HELLS: variants seen among roughly 807,000 people sequenced by gnomAD.
HELLS encodes the protein helicase, lymphoid specific.
A neutral mutation model predicts 120.0 loss-of-function variants in HELLS; 32 were observed. The observed-to-expected ratio is 0.27, with a 90% CI of 0.20 to 0.36. HELLS has a LOEUF of 0.36. Among genes scored for constraint, HELLS ranks in the 10% least tolerant of loss-of-function variants. The pLI is 1.00. For missense variants in HELLS, 650 were observed against 993.4 expected (o/e 0.65, Z 4.65); for synonymous variants, 341 against 323.4 (o/e 1.05, Z -0.58).
intron 11 of HELLS, 126 bp from the exon 12 acceptor site, chr10:94,582,837 A>G: frequency 1.9e-6 from 1 of 533,850 alleles, no homozygotes; most frequent in Non-Finnish European, 3.3e-6. Context: ...TAAAAATTGC[A>G]CCTAAGGATT....
Position 94,576,059 on chromosome 10 carries a change from A to C in HELLS, c.889-603A>C, listed in dbSNP as rs1844463926. On this transcript the variant is annotated intron_variant, in intron 9 of 21. Coordinates refer to ENST00000348459, the MANE Select transcript of HELLS (RefSeq NM_018063.5). The stretch of plus-strand genomic sequence containing the variant: ...TGGTCTGCCCGCCTCAGCTTCCCAA[A>C]GTGCTGGGGATTACAGGTATGAGCC... Among the ~76,000 whole-genome samples the C allele has an allele frequency of 2.0e-5, 3 of 151,516 alleles. No homozygotes were observed. The South Asian group carries it at 6.3e-4, about 32-fold the overall frequency.
chr10:94,575,700 T>C (rs537281158), intron 9 of HELLS, among the ~76,000 whole-genome samples: 11 of 149,050 alleles, frequency 7.4e-5, no homozygotes, highest in African/African-American at 2.7e-4. Context: ...GGATTACAGG[T>C]GTGAGCCACT....
chr10:94,606,060 C>CTT (rs1166949716), downstream of HELLS, among the ~76,000 whole-genome samples: 1,849 of 131,310 alleles, frequency 0.014, 41 homozygotes, highest in African/African-American at 0.046. Context: ...TGGTATGGGT[C>CTT]TTTTTTTTTT....
chr10:94,562,710 C>T lies in HELLS; in HGVS notation c.353C>T (p.Ala118Val). The T allele has an allele frequency of 6.3e-7, 1 of 1,588,202 alleles. No individual in the cohort carries two copies. Among genetic ancestry groups the T allele is most frequent in the Non-Finnish European group, 8.6e-7 (1 of 1,162,418 alleles). The change falls in exon 5 of 22, where the codon GCA becomes GTA. Residue 118 changes from alanine to valine, a missense_variant. Physicochemically the swap from Ala to Val is moderately conservative, Grantham distance 64. Coordinates refer to ENST00000348459, the MANE Select transcript of HELLS (RefSeq NM_018063.5). ...KVKKGKNSID[A>V]SEEKPVMRKK... is the part of the protein sequence containing the mutation. ...TTGTAGGGTAAAAATTCAATTGATGCAAGTGAAGAGAAGCCAGGTAAATAT... is the reference window on the plus strand; with the variant it reads ...TTGTAGGGTAAAAATTCAATTGATGTAAGTGAAGAGAAGCCAGGTAAATAT...
chr10:94,568,151 A>G (rs1843931023), intron 6 of HELLS, among the ~76,000 whole-genome samples: 1 of 150,464 alleles, frequency 6.6e-6, no homozygotes, highest in Non-Finnish European at 1.5e-5. Flanking sequence ...CTTGTGATCC[A>G]TCTGCCTTGG....
At chr10:94,591,146 A>T (rs573005085) in intron 15 of HELLS, among the ~76,000 whole-genome samples, 9 of 152,152 alleles carry the variant, frequency 5.9e-5, no homozygotes, top group African/African-American at 1.7e-4. Flanking sequence ...TATGCAACTT[A>T]TATTTTTATT....
chr10:94,577,496 A>G (rs1389783155), intron 10 of HELLS: 1 of 155,752 alleles, frequency 6.4e-6, no homozygotes, highest in African/African-American at 2.4e-5. Context: ...AGTCATAAAT[A>G]GAATAATTAT....
chr10:94,585,108 T>A (rs1281626802), intron 12 of HELLS, among the ~76,000 whole-genome samples: 3 of 151,768 alleles, frequency 2.0e-5, no homozygotes, highest in Non-Finnish European at 2.9e-5. Context: ...GTAAAAAAAA[T>A]TTTTTTTACT....
chr10:94,579,956 A>G (rs1844740830), intron 10 of HELLS, among the ~76,000 whole-genome samples: 1 of 151,420 alleles, frequency 6.6e-6, no homozygotes, highest in Non-Finnish European at 1.5e-5. Flanking sequence ...TTATATTATC[A>G]TTTCAAGGAT....
chr10:94,554,083 G>T (rs1843120457), intron 2 of HELLS, 43 bp from the exon 3 acceptor site: 9 of 1,486,674 alleles, frequency 6.1e-6, no homozygotes, highest in South Asian at 5.5e-5. Flanking sequence ...ATTAAGGTAT[G>T]TCAGAAAGTG....
In HELLS at chr10:94,574,766, T is replaced by A. The variant is rs754148373; in HGVS notation, c.888+30T>A. The A allele has an allele frequency of 7.2e-6, 11 of 1,530,816 alleles. No individual in the cohort carries two copies. The African/African-American group carries it at 1.4e-4, about 19-fold the overall frequency. 94.8% of individuals were successfully genotyped at this position (1,530,816 alleles called of 1,614,324 possible). A position where few individuals can be genotyped will look rare whatever the true frequency, so the allele number is the denominator to read the frequency against. The stretch of plus-strand genomic sequence containing the variant: ...GACATGCTTCCTTATGTTAAAATTA[T>A]AATTTTACATGTTTTCTTATGCTTT... On this transcript the variant is annotated intron_variant, in intron 9 of 21. Transcript: ENST00000348459.
rs1365590504 is a variant in HELLS at position 94,583,000 on chromosome 10, A to G, written c.1267A>G (p.Thr423Ala). The change falls in exon 12 of 22, where the codon ACT (threonine) becomes GCT (alanine). Residue 423 changes from threonine (T) to alanine (A), a missense_variant. Physicochemically the swap from Thr to Ala is moderately conservative, Grantham distance 58. Around this residue, in one of 9 missense-constraint regions of HELLS, gnomAD observed 48 missense variants for 127.0 expected, o/e 0.38. Transcript: ENST00000348459. Reference sequence around the variant, plus strand: ...GTTTGACATCACTAGTCTTTCTGAAACTGCTGAAGATATTATTGCTAAAGA... The same window carrying G: ...GTTTGACATCACTAGTCTTTCTGAAGCTGCTGAAGATATTATTGCTAAAGA... ...SWFDITSLSE[T>A]AEDIIAKERE... 2 of 1,607,500 alleles carry G rather than the reference A, an allele frequency of 1.2e-6. No homozygotes were observed. Among genetic ancestry groups the G allele is most frequent in the Admixed American group, 3.4e-5 (2 of 59,236 alleles).
chr10:94,553,726 T>G (rs1354424713), intron 2 of HELLS, among the ~76,000 whole-genome samples: 1 of 151,740 alleles, frequency 6.6e-6, no homozygotes, highest in African/African-American at 2.4e-5. Flanking sequence ...TTTTGTATTT[T>G]TAGTAGAGAT....
chr10:94,562,609 T>A lies in HELLS; in HGVS notation c.334-82T>A, dbSNP rs184503814. On this transcript the variant is annotated intron_variant, in intron 4 of 21. Coordinates refer to ENST00000348459, the MANE Select transcript of HELLS (RefSeq NM_018063.5). Reference sequence around the variant, plus strand: ...GCTCAATTGCAGGAAACATATTTTTTCTCAAGTTAATCAGTGCCTTTTAAC... The same window carrying A: ...GCTCAATTGCAGGAAACATATTTTTACTCAAGTTAATCAGTGCCTTTTAAC... The A allele has an allele frequency of 2.1e-3, 1,949 of 936,464 alleles. 7 individuals carry two copies. Among genetic ancestry groups the A allele is most frequent in the Non-Finnish European group, 2.9e-3 (1,735 of 604,518 alleles). The allele number at this position is 936,464 out of a possible 1,614,324, so 58.0% of individuals were successfully genotyped here.
At chr10:94,564,280 T>TG (rs1267256536) in intron 6 of HELLS, among the ~76,000 whole-genome samples, 1 of 152,006 alleles carries the variant, frequency 6.6e-6, no homozygotes, top group Non-Finnish European at 1.5e-5. Context: ...TGCGGAGAGT[T>TG]GGGGGGAAAG....
At position 94,546,462 on chromosome 10, in the gene HELLS, T is replaced by C; in HGVS notation, c.117T>C (p.Ala39=). 1 of 1,614,160 alleles carries C rather than the reference T, an allele frequency of 6.2e-7. No homozygotes were observed. Among genetic ancestry groups the C allele is most frequent in the Non-Finnish European group, 8.5e-7 (1 of 1,180,006 alleles). ...TAGAAGAGGAAGAACAGCTTGAAGC[T>C]GCTGGACTAGAGAGAGAGCGGAAGA... The part of the protein sequence containing the change: ...AMLEEEEQLE[A]AGLERERKML... The change falls in exon 2 of 22, where the codon GCT becomes GCC. Residue 39 remains alanine, a synonymous_variant. Coordinates refer to ENST00000348459, the MANE Select transcript of HELLS (RefSeq NM_018063.5).
intron 21 of HELLS, 52 bp downstream of exon 21, chr10:94,597,163 G>A: frequency 1.9e-6 from 2 of 1,029,892 alleles, no homozygotes; most frequent in Non-Finnish European, 3.0e-6. Flanking sequence ...CACTTAATTA[G>A]CATAATGTAA....
intron 2 of HELLS, among the ~76,000 whole-genome samples, chr10:94,550,726 CA>C (rs1423249540): frequency 6.6e-6 from 1 of 151,904 alleles, no homozygotes; most frequent in East Asian, 2.0e-4. Flanking sequence ...CCCATCTCTA[CA>C]AAAAATTAAA....
chr10:94,554,287 AAATTT>A, intron 3 of HELLS, 39 bp downstream of exon 3: 1 of 1,425,652 alleles, frequency 7.0e-7, no homozygotes, highest in Non-Finnish European at 9.4e-7. Flanking sequence ...AAGCTTAAAA[AAATTT>A]AAAAATAGCT....
Sources: gnomAD v4.1 joint callset for allele counts (sites outside exome capture counted in the v4.1 genomes callset) on GRCh38, gnomAD v4.1.1 for gene constraint, gnomAD v4.1.1 regional missense constraint, MANE v1.5 for transcripts, NCBI Gene and HGNC (gene_info 2026-07-23, HGNC 2026-07-21) for gene names.